The following DNA2 variants were observed in gnomAD, a reference collection of about 807,000 sequenced individuals.
DNA2 encodes DNA replication helicase/nuclease 2.
A neutral mutation model predicts 119.1 loss-of-function variants in DNA2; 101 were observed. The ratio of observed to expected loss-of-function variants is 0.85; its 90% CI spans 0.72 to 1.00. The LOEUF is 1.00. DNA2 is among the 50% of genes least tolerant of loss of function. The probability of loss-of-function intolerance (pLI) is 0.00; values close to 1 mark genes in which losing one functional copy is unlikely to be tolerated. For missense variants in DNA2, 1,121 were observed against 1,255.5 expected, an observed-to-expected ratio of 0.89 and a Z score of 1.62; for synonymous variants, 366 against 424.4, an observed-to-expected ratio of 0.86 and a Z score of 1.69.
At position 68,433,236 on chromosome 10, in the gene DNA2, T is replaced by TCTCC. The variant is rs2051844758; in HGVS notation, c.1647-730_1647-727dup. Among the ~76,000 whole-genome samples, 4 of 152,178 alleles carry TCTCC rather than the reference T, an allele frequency of 2.6e-5. No homozygotes were observed. The South Asian group carries it at 8.3e-4, about 32-fold the overall frequency. Reference sequence around the variant, plus strand: ...TTGCACTGCCATCTTGATCCTTCCCTCTCCCTCATCCTCTCCCCAACCCAC... The same window carrying TCTCC: ...TTGCACTGCCATCTTGATCCTTCCCTCTCCCTCCCTCATCCTCTCCCCAACCCAC... On this transcript the variant is annotated intron_variant, in intron 10 of 20. Transcript: ENST00000358410.
intron 9 of DNA2, among the ~76,000 whole-genome samples, chr10:68,441,573 C>G (rs1443205423): frequency 6.6e-6 from 1 of 152,010 alleles, no homozygotes; most frequent in Non-Finnish European, 1.5e-5. Context: ...GTCAGGAGTT[C>G]AAGACCAGCC....
intron 4 of DNA2, among the ~76,000 whole-genome samples, chr10:68,463,339 G>A (rs1242552956): frequency 6.7e-6 from 1 of 149,890 alleles, no homozygotes; most frequent in Non-Finnish European, 1.5e-5. Context: ...AGCTACTCGG[G>A]AGGCTGAGGC....
Position 68,468,258 on chromosome 10 carries a change from G to A in DNA2, c.306C>T (p.Asp102=), listed in dbSNP as rs775904991. Residue 102 remains aspartate, a synonymous_variant, in exon 3 of 21, where the codon GAC becomes GAT. Coordinates refer to ENST00000358410, the MANE Select transcript of DNA2 (RefSeq NM_001080449.3). Reference sequence around the variant, plus strand: ...CTATTATCCAAGTGTCAGATGTGCAGTCTCCCTCCAAATGAATGATATCTC... The same window carrying A: ...CTATTATCCAAGTGTCAGATGTGCAATCTCCCTCCAAATGAATGATATCTC... ...EPGDIIHLEG[D]CTSDTWIIDK... The A allele has an allele frequency of 6.2e-7, 1 of 1,609,904 alleles. No individual in the cohort carries two copies. Among genetic ancestry groups the A allele is most frequent in the Admixed American group, 1.7e-5 (1 of 59,334 alleles).
chr10:68,442,363 C>T (rs1326580092), intron 9 of DNA2, among the ~76,000 whole-genome samples: 6 of 151,640 alleles, frequency 4.0e-5, no homozygotes, highest in Non-Finnish European at 5.9e-5. Context: ...GGATTAAAGG[C>T]GCCTGCCACC....
chr10:68,466,517 G>C (rs1341614620), intron 3 of DNA2, among the ~76,000 whole-genome samples: 3 of 150,680 alleles, frequency 2.0e-5, no homozygotes, highest in Non-Finnish European at 4.4e-5. Flanking sequence ...TTTTGGCAAG[G>C]AATTTTTCTC....
intron 6 of DNA2, among the ~76,000 whole-genome samples, 190 bp downstream of exon 6, chr10:68,449,838 G>A (rs758700642): frequency 2.5e-4 from 32 of 126,698 alleles, no homozygotes; most frequent in African/African-American, 4.8e-4. Context: ...GCTTGAACCC[G>A]AGAGGCAGAG....
At chr10:68,418,938 G>T in intron 19 of DNA2, 96 bp downstream of exon 19, 2 of 1,129,878 alleles carry the variant, frequency 1.8e-6, no homozygotes, top group Non-Finnish European at 2.5e-6. Context: ...CTCCCAGGGG[G>T]CTGGGATTAC....
chr10:68,437,487 A>T (rs990532315), intron 9 of DNA2, among the ~76,000 whole-genome samples: 5 of 151,360 alleles, frequency 3.3e-5, no homozygotes, highest in African/African-American at 1.2e-4. Context: ...AAAAAAAAAA[A>T]TAAAAATAAA....
chr10:68,438,252 G>C (rs1349763308), intron 9 of DNA2, among the ~76,000 whole-genome samples: 1 of 152,188 alleles, frequency 6.6e-6, no homozygotes, highest in East Asian at 1.9e-4. Flanking sequence ...AGGCGCGGTG[G>C]CTCACGCCTG....
chr10:68,415,205 C>CA (rs72035454), intron 20 of DNA2, 98 bp from the exon 21 acceptor site: 5,776 of 494,632 alleles, frequency 0.012, no homozygotes, highest in Middle Eastern at 0.021. Flanking sequence ...TACAGGACCA[C>CA]AAAAAAAAAA....
chr10:68,471,932 A>G lies in DNA2; in HGVS notation c.-68T>C, dbSNP rs199807918. On this transcript the variant is annotated 5_prime_UTR_variant, in exon 1 of 21. Coordinates refer to ENST00000358410, the MANE Select transcript of DNA2 (RefSeq NM_001080449.3). ...GAACCGGGGGTAACACAGAAAGCTT[A>G]GAAAAGGGAAAAAGGCGCGAGCCTG... The G allele has an allele frequency of 5.8e-5, 94 of 1,613,636 alleles. No homozygotes were observed. In the African/African-American group the frequency reaches 9.9e-4, roughly 17 times the overall value.
At chr10:68,461,474 T>G (rs955739475) in intron 4 of DNA2, 1 of 151,924 alleles carries the variant, frequency 6.6e-6, no homozygotes, top group Admixed American at 6.6e-5. Flanking sequence ...AGGGTTGAGC[T>G]TGGTTACTAC....
At chr10:68,463,089 G>A (rs1489266463) in intron 4 of DNA2, among the ~76,000 whole-genome samples, 1 of 151,620 alleles carries the variant, frequency 6.6e-6, no homozygotes, top group Non-Finnish European at 1.5e-5. Context: ...CCGAGATCAC[G>A]GTGCTGTACT....
chr10:68,414,162 T>C lies in DNA2; in HGVS notation c.*877A>G, dbSNP rs1291470511. On this transcript the variant is annotated 3_prime_UTR_variant, in exon 21 of 21. Transcript: ENST00000358410. The stretch of plus-strand genomic sequence containing the variant: ...AAAATTTTAACATATTTAACACTCA[T>C]TAAAAAAAACCCTCAAGAGAAATGG... The C allele has an allele frequency of 2.0e-5, 3 of 151,858 alleles. No homozygotes were observed. Among genetic ancestry groups the C allele is most frequent in the Non-Finnish European group, 4.4e-5 (3 of 67,974 alleles). The allele number at this position is 151,858 out of a possible 1,614,324, so 9.4% of individuals were successfully genotyped here. A position where few individuals can be genotyped will look rare whatever the true frequency, so the allele number is the denominator to read the frequency against.
chr10:68,441,386 C>G (rs1216733233), intron 9 of DNA2, among the ~76,000 whole-genome samples: 1 of 148,424 alleles, frequency 6.7e-6, no homozygotes, highest in Non-Finnish European at 1.5e-5. Flanking sequence ...GTACATATTA[C>G]TATTATTTTT....
chr10:68,421,949 G>A (rs1186680964), intron 17 of DNA2, among the ~76,000 whole-genome samples: 2 of 151,712 alleles, frequency 1.3e-5, no homozygotes, highest in Non-Finnish European at 2.9e-5. Context: ...TGAGTAGCTG[G>A]GATTACAGGC....
At chr10:68,462,598 T>C (rs2052274077) in intron 4 of DNA2, among the ~76,000 whole-genome samples, 1 of 152,170 alleles carries the variant, frequency 6.6e-6, no homozygotes, top group Non-Finnish European at 1.5e-5. Context: ...TCTTTATGTT[T>C]AAGCTCCGCA....
intron 5 of DNA2, among the ~76,000 whole-genome samples, chr10:68,452,507 T>TA (rs953607884): frequency 1.3e-5 from 2 of 152,248 alleles, no homozygotes; most frequent in African/African-American, 4.8e-5. Context: ...GAATACAGGT[T>TA]AAAAAAACTT....
intron 5 of DNA2, among the ~76,000 whole-genome samples, chr10:68,451,773 T>A (rs1157380471): frequency 6.6e-6 from 1 of 151,826 alleles, no homozygotes; most frequent in African/African-American, 2.4e-5. Flanking sequence ...TTTTTTTTAA[T>A]AGAGACAGGC....
Sources: gnomAD v4.1 joint callset for allele counts (sites outside exome capture counted in the v4.1 genomes callset) on GRCh38, gnomAD v4.1.1 for gene constraint, MANE v1.5 for transcripts, NCBI Gene and HGNC (gene_info 2026-07-23, HGNC 2026-07-21) for gene names.